Variants in PIKFYVE observed in about 807,000 individuals in gnomAD.
The protein encoded by PIKFYVE is phosphoinositide kinase, FYVE-type zinc finger containing.
PIKFYVE carries 122 observed loss-of-function variants against 257.9 expected under a neutral mutation model. The ratio of observed to expected loss-of-function variants is 0.47; its 90% CI spans 0.41 to 0.55. The LOEUF is 0.55. Ranked by LOEUF, PIKFYVE falls within the 20% of genes least tolerant of loss-of-function variation. The pLI, the probability that PIKFYVE is intolerant of heterozygous loss-of-function variation, is 0.00. For missense variants in PIKFYVE, 2,160 were observed against 2,536.6 expected (o/e 0.85, Z 3.19); for synonymous variants, 892 against 868.9 (o/e 1.03, Z -0.47).
intron 1 of PIKFYVE, among the ~76,000 whole-genome samples, chr2:208,268,083 C>T (rs1688906732): frequency 6.6e-6 from 1 of 152,094 alleles, no homozygotes; most frequent in Non-Finnish European, 1.5e-5. Flanking sequence ...AGGAAAGAGT[C>T]CTAATTTATA....
Position 208,340,036 on chromosome 2 carries a change from A to T in PIKFYVE, c.4836A>T (p.Gly1612=). 1 of 1,613,882 alleles carries T rather than the reference A, an allele frequency of 6.2e-7. No homozygotes were observed. Among genetic ancestry groups the T allele is most frequent in the Non-Finnish European group, 8.5e-7 (1 of 1,179,766 alleles). Residue 1612 remains glycine, a synonymous_variant, in exon 31 of 42, where the codon GGA becomes GGT. Coordinates refer to ENST00000264380, the MANE Select transcript of PIKFYVE (RefSeq NM_015040.4). ...SEDVFDGHLL[G]STDSQVKEKS... ...ATGTGTTTGATGGGCATTTGCTGGG[A>T]TCCACAGACAGCCAAGTGAAGGAAA...
chr2:208,355,652 A>T lies in PIKFYVE; in HGVS notation c.*347A>T. 4.8e-6 allele frequency: 1 copy of T among 206,206 alleles called. No individual in the cohort carries two copies. Among genetic ancestry groups the T allele is most frequent in the East Asian group, 1.3e-4 (1 of 7,886 alleles). The allele number at this position is 206,206 out of a possible 1,614,324, so 12.8% of individuals were successfully genotyped here. On this transcript the variant is annotated 3_prime_UTR_variant, in exon 42 of 42. Transcript: ENST00000264380. ...TGTTTTAAGAAGAAAACAGTGTCTC[A>T]TAAATTGACTATCCTGGCATCACAT...
At chr2:208,290,207 G>C (rs1043132295) in intron 7 of PIKFYVE, among the ~76,000 whole-genome samples, 1 of 152,150 alleles carries the variant, frequency 6.6e-6, no homozygotes, top group Non-Finnish European at 1.5e-5. Context: ...GTATAATGAC[G>C]TGCGTCTGTC....
At chr2:208,267,557 A>T (rs573623099) in intron 1 of PIKFYVE, among the ~76,000 whole-genome samples, 97 of 113,626 alleles carry the variant, frequency 8.5e-4, no homozygotes, top group African/African-American at 3.2e-3. Context: ...CCCAGGTTGG[A>T]GTGCAGTGGC....
chr2:208,292,252 G>A (rs1353742078), intron 7 of PIKFYVE, among the ~76,000 whole-genome samples: 1 of 152,066 alleles, frequency 6.6e-6, no homozygotes, highest in Non-Finnish European at 1.5e-5. Flanking sequence ...CATGTTACTT[G>A]AGAGGAATGT....
rs759858792 is a variant in PIKFYVE, at chr2:208,312,203, G to A, written c.1637-33G>A. The A allele has an allele frequency of 4.0e-6, 6 of 1,513,276 alleles. No individual in the cohort carries two copies. In the South Asian group the frequency reaches 6.8e-5, roughly 17 times the overall value. The allele number at this position is 1,513,276 out of a possible 1,614,324, so 93.7% of individuals were successfully genotyped here. A position where few individuals can be genotyped will look rare whatever the true frequency, so the allele number is the denominator to read the frequency against. On this transcript the variant is annotated intron_variant, in intron 12 of 41. Coordinates refer to ENST00000264380, the MANE Select transcript of PIKFYVE (RefSeq NM_015040.4). ...GTTATAGTCATATGTCTCTACTTTTGTTCCTCCTCTCTGTTGTCTCCCTGG... is the reference window on the plus strand; with the variant it reads ...GTTATAGTCATATGTCTCTACTTTTATTCCTCCTCTCTGTTGTCTCCCTGG...
chr2:208,300,049 A>G (rs910287850), intron 8 of PIKFYVE, among the ~76,000 whole-genome samples: 4 of 152,208 alleles, frequency 2.6e-5, no homozygotes, highest in African/African-American at 9.6e-5. Flanking sequence ...CAAACCAGCA[A>G]ACCCACAAAA....
intron 22 of PIKFYVE, 88 bp downstream of exon 22, chr2:208,330,001 A>T: frequency 3.3e-6 from 5 of 1,528,886 alleles, no homozygotes; most frequent in South Asian, 1.2e-5. Flanking sequence ...TCGGATGTTA[A>T]GTGACTGTTA....
Position 208,301,032 on chromosome 2 carries a change from C to A in PIKFYVE, c.1146C>A (p.Pro382=). 6 of 1,614,122 alleles carry A rather than the reference C, an allele frequency of 3.7e-6. No individual in the cohort carries two copies. The highest frequency in any genetic ancestry group is 5.1e-6 in the Non-Finnish European group (6 of 1,180,022). ...ACCGCTACTGGTTGAGAACGCATCC[C>A]AACTGCATTGTAGGAAAGGAATTAG... ...QDHRYWLRTH[P]NCIVGKELVN... The change falls in exon 9 of 42, where the codon CCC becomes CCA. Residue 382 remains proline, a synonymous_variant. Coordinates refer to ENST00000264380, the MANE Select transcript of PIKFYVE (RefSeq NM_015040.4).
In PIKFYVE at chr2:208,346,161, T is replaced by C; in HGVS notation, c.5209+14T>C. ...AACCACAACCAAGTAAGATTACACA[T>C]GGAGGAATATTTATAATTAGATTTA... On this transcript the variant is annotated intron_variant, in intron 34 of 41. Coordinates refer to ENST00000264380, the MANE Select transcript of PIKFYVE (RefSeq NM_015040.4). 1 of 1,563,720 alleles carries C rather than the reference T, an allele frequency of 6.4e-7. No homozygotes were observed. Among genetic ancestry groups the C allele is most frequent in the South Asian group, 1.1e-5 (1 of 89,936 alleles).
intron 37 of PIKFYVE, 94 bp from the exon 38 acceptor site, chr2:208,351,258 A>G (rs1699748810): frequency 2.7e-6 from 3 of 1,112,674 alleles, no homozygotes; most frequent in Non-Finnish European, 4.0e-6. Context: ...TAAAATCATA[A>G]AACAACCTAA....
intron 12 of PIKFYVE, among the ~76,000 whole-genome samples, chr2:208,310,199 A>G (rs527437547): frequency 6.6e-6 from 1 of 152,340 alleles, no homozygotes; most frequent in African/African-American, 2.4e-5. Context: ...ACGTGAAAAA[A>G]TAATAGAATT....
At chr2:208,353,365 T>C (rs1376022803) in intron 39 of PIKFYVE, among the ~76,000 whole-genome samples, 1 of 152,194 alleles carries the variant, frequency 6.6e-6, no homozygotes, top group Non-Finnish European at 1.5e-5. Flanking sequence ...CTGACCAGCA[T>C]TGGTCTGTAG....
intron 16 of PIKFYVE, 24 bp from the exon 17 acceptor site, chr2:208,320,228 T>C (rs759503556): frequency 1.9e-6 from 3 of 1,608,000 alleles, no homozygotes; most frequent in Non-Finnish European, 2.6e-6. Flanking sequence ...TTAAACACTT[T>C]AACAAACTGT....
chr2:208,325,553 T>A lies in PIKFYVE; in HGVS notation c.2742T>A (p.Asp914Glu). The change falls in exon 20 of 42, where the codon GAT becomes GAA. Residue 914 changes from aspartate to glutamate, a missense_variant. Transcript: ENST00000264380. ...EQYGGGSIPW[D>E]PDIPPESLPC... ...ACGGTGGAGGTTCCATCCCCTGGGA[T>A]CCTGACATCCCTCCTGAGTCTCTGC... The A allele has an allele frequency of 1.2e-6, 2 of 1,614,104 alleles. No homozygotes were observed. The highest frequency in any genetic ancestry group is 1.7e-6 in the Non-Finnish European group (2 of 1,179,986).
Position 208,323,578 on chromosome 2 carries a change from C to T in PIKFYVE, c.2191-564C>T, listed in dbSNP as rs551851180. Among the ~76,000 whole-genome samples the T allele has an allele frequency of 8.5e-5, 13 of 152,208 alleles. No homozygotes were observed. In the South Asian group the frequency reaches 2.7e-3, roughly 32 times the overall value. On this transcript the variant is annotated intron_variant, in intron 17 of 41. Transcript: ENST00000264380. ...TAGTGCCGCAATAAACATACTTGTGCATGTGTCTTTATAGCAGCATGATTT... is the reference window on the plus strand; with the variant it reads ...TAGTGCCGCAATAAACATACTTGTGTATGTGTCTTTATAGCAGCATGATTT...
chr2:208,280,770 T>G (rs1690702852), intron 5 of PIKFYVE, among the ~76,000 whole-genome samples: 1 of 152,226 alleles, frequency 6.6e-6, no homozygotes, highest in African/African-American at 2.4e-5. Context: ...GATATGGAGT[T>G]GTTTCCCTTA....
intron 7 of PIKFYVE, among the ~76,000 whole-genome samples, chr2:208,293,220 A>G (rs1457963674): frequency 2.0e-5 from 3 of 151,180 alleles, no homozygotes; most frequent in Non-Finnish European, 4.4e-5. Flanking sequence ...TTTCCCTCCC[A>G]TCTGTTGTAT....
intron 24 of PIKFYVE, 47 bp from the exon 25 acceptor site, chr2:208,335,259 A>G: frequency 8.1e-7 from 1 of 1,232,304 alleles, no homozygotes; most frequent in Non-Finnish European, 1.2e-6. Context: ...TATTCAAGAT[A>G]TTAAGCTATT....
Sources: gnomAD v4.1 joint callset for allele counts (sites outside exome capture counted in the v4.1 genomes callset) on GRCh38, gnomAD v4.1.1 for gene constraint, MANE v1.5 for transcripts, NCBI Gene and HGNC (gene_info 2026-07-23, HGNC 2026-07-21) for gene names.